SMURF1: variants seen among roughly 807,000 people sequenced by gnomAD.
SMURF1 encodes the protein E3 ubiquitin-protein ligase SMURF1.
SMURF1 carries 44 observed loss-of-function variants against 98.0 expected under a neutral mutation model. The observed-to-expected ratio is 0.45, with a 90% CI of 0.35 to 0.58. The LOEUF is 0.58. Among genes scored for constraint, SMURF1 ranks in the 20% least tolerant of loss-of-function variants. The pLI is 0.00. For missense variants in SMURF1, 687 were observed against 938.4 expected (o/e 0.73, Z 3.50); for synonymous variants, 396 against 374.9 (o/e 1.06, Z -0.65).
intron 11 of SMURF1, 60 bp from the exon 12 acceptor site, chr7:99,042,292 T>TC: frequency 8.3e-7 from 1 of 1,210,854 alleles, no homozygotes. Flanking sequence ...TTTTTTTTTT[T>TC]TCCCTGAGAT....
At chr7:99,052,158 G>T in intron 7 of SMURF1, 47 bp downstream of exon 7, 1 of 1,467,626 alleles carries the variant, frequency 6.8e-7, no homozygotes, top group Non-Finnish European at 9.0e-7. Context: ...GTCAACTCAT[G>T]GAAACAGGGC....
In SMURF1 at chr7:99,057,367, C is replaced by G. The variant is rs1448553203; in HGVS notation, c.337+51G>C. Reference sequence around the variant, plus strand: ...GCGATCAAAACAAAAAACGATGCCTCCTAAGCTTTCTTTGGTTGCATTAAG... The same window carrying G: ...GCGATCAAAACAAAAAACGATGCCTGCTAAGCTTTCTTTGGTTGCATTAAG... On this transcript the variant is annotated intron_variant, in intron 4 of 17. Transcript: ENST00000361368. 1.9e-6 allele frequency: 3 copies of G among 1,612,258 alleles called. No individual in the cohort carries two copies. In the East Asian group the frequency reaches 6.7e-5, roughly 36 times the overall value.
At chr7:99,095,756 A>G (rs1287384761) in intron 1 of SMURF1, among the ~76,000 whole-genome samples, 2 of 152,136 alleles carry the variant, frequency 1.3e-5, no homozygotes, top group Non-Finnish European at 2.9e-5. Context: ...CCTGGGGGAG[A>G]TGAGAATTGC....
chr7:99,055,351 C>A (rs548255860), intron 5 of SMURF1, among the ~76,000 whole-genome samples: 13 of 151,822 alleles, frequency 8.6e-5, no homozygotes, highest in Admixed American at 7.9e-4. Flanking sequence ...ACTTGTAGTC[C>A]CAGCTACTTG....
At chr7:99,121,688 T>A (rs1389353794) in intron 1 of SMURF1, among the ~76,000 whole-genome samples, 3 of 152,210 alleles carry the variant, frequency 2.0e-5, no homozygotes, top group Non-Finnish European at 4.4e-5. Flanking sequence ...AGCTTGTCCT[T>A]TCCCAAGAGG....
rs376242285 is a variant in SMURF1 at position 99,066,998 on chromosome 7, C to CT, written c.56-5162dup. On this transcript the variant is annotated intron_variant, in intron 1 of 17. Transcript: ENST00000361368. ...TCTCATTGTATTTGGATTTTTTTTT[C>CT]TTTTTTTTTTTTTTTGAGACAGAGT... 3.2e-3 allele frequency among the ~76,000 whole-genome samples: 389 copies of CT among 121,668 alleles called. 1 individual carries two copies. Among genetic ancestry groups the CT allele is most frequent in the Non-Finnish European group, 4.6e-3 (279 of 60,164 alleles). The allele number at this position is 121,668 out of a possible 152,430, so 79.8% of individuals were successfully genotyped here. A position where few individuals can be genotyped will look rare whatever the true frequency, so the allele number is the denominator to read the frequency against.
intron 17 of SMURF1, 27 bp from the exon 18 acceptor site, chr7:99,030,710 G>A (rs377620339): frequency 5.0e-5 from 80 of 1,599,882 alleles, no homozygotes; most frequent in Admixed American, 5.0e-5. Context: ...GAGAGTCACC[G>A]TGTGGGCAGT....
chr7:99,102,862 C>T (rs745678237), intron 1 of SMURF1, among the ~76,000 whole-genome samples: 4 of 151,942 alleles, frequency 2.6e-5, no homozygotes, highest in Non-Finnish European at 5.9e-5. Flanking sequence ...AGTCTCACTC[C>T]GTCACCCAGG....
intron 15 of SMURF1, 52 bp from the exon 16 acceptor site, chr7:99,035,768 AG>A: frequency 6.4e-7 from 1 of 1,560,984 alleles, no homozygotes; most frequent in Non-Finnish European, 8.8e-7. Flanking sequence ...AACCCACGTC[AG>A]GATGCGCCTC....
chr7:99,045,120 C>T (rs1795529480), intron 11 of SMURF1, among the ~76,000 whole-genome samples: 1 of 151,398 alleles, frequency 6.6e-6, no homozygotes, highest in South Asian at 2.1e-4. Context: ...GCCTGGGCAA[C>T]AGAGCAAGAC....
chr7:99,084,950 G>T (rs878974733), intron 1 of SMURF1, among the ~76,000 whole-genome samples: 2 of 152,148 alleles, frequency 1.3e-5, no homozygotes, highest in Admixed American at 1.3e-4. Flanking sequence ...AGAAGATCTG[G>T]TTGTTTCAAA....
chr7:99,049,431 T>C (rs1795685518), intron 9 of SMURF1, 132 bp downstream of exon 9: 6 of 937,680 alleles, frequency 6.4e-6, no homozygotes, highest in Non-Finnish European at 9.7e-6. Context: ...ATCCGCCAGA[T>C]ATTTAACATC....
At chr7:99,036,432 C>T (rs219800) in intron 15 of SMURF1, 42,995 of 151,704 alleles carry the variant, frequency 0.28, 10,297 homozygotes, top group African/African-American at 0.67. Context: ...GAGCCATGAT[C>T]GCACCACTGC....
chr7:99,143,681 G>A lies in SMURF1; in HGVS notation c.55+45C>T, dbSNP rs1431437396. ...GCGCCCTGCGGGGAATTCCGGGGCG[G>A]GCGAGGGGGCGCCGGGGCGCGGGTG... On this transcript the variant is annotated intron_variant, in intron 1 of 17. Coordinates refer to ENST00000361368, the MANE Select transcript of SMURF1 (RefSeq NM_181349.3). 3 of 1,507,902 alleles carry A rather than the reference G, an allele frequency of 2.0e-6. No homozygotes were observed. The African/African-American group carries it at 4.3e-5, about 22-fold the overall frequency. 93.4% of individuals were successfully genotyped at this position (1,507,902 alleles called of 1,614,324 possible).
chr7:99,132,458 T>C (rs116595932), intron 1 of SMURF1, among the ~76,000 whole-genome samples: 3,146 of 152,086 alleles, frequency 0.021, 100 homozygotes, highest in African/African-American at 0.07. Flanking sequence ...AAATAAAAAT[T>C]GATTGGACAT....
At chr7:99,050,830 G>C (rs776497248) in intron 8 of SMURF1, 1 of 959,624 alleles carries the variant, frequency 1.0e-6, no homozygotes, top group Non-Finnish European at 1.5e-6. Flanking sequence ...ATATTAGGTA[G>C]TAATGCTATT....
chr7:99,111,381 T>C (rs748523173), intron 1 of SMURF1, among the ~76,000 whole-genome samples: 1 of 152,232 alleles, frequency 6.6e-6, no homozygotes, highest in Non-Finnish European at 1.5e-5. Context: ...CTCTCAGACA[T>C]TGCTGGTAGG....
In SMURF1 at chr7:99,029,581, G is replaced by A. The variant is rs557242238; in HGVS notation, c.*1003C>T. 22 of 152,188 alleles carry A rather than the reference G, an allele frequency of 1.4e-4. No homozygotes were observed. The highest frequency in any genetic ancestry group is 2.9e-4 in the Non-Finnish European group (20 of 68,030). The allele number at this position is 152,188 out of a possible 1,614,324, so 9.4% of individuals were successfully genotyped here. Reference sequence around the variant, plus strand: ...TCTTTGGGTGGATTTACATCATCGAGGTTATCCTTTCACCATTGCTTTTAA... The same window carrying A: ...TCTTTGGGTGGATTTACATCATCGAAGTTATCCTTTCACCATTGCTTTTAA... On this transcript the variant is annotated 3_prime_UTR_variant, in exon 18 of 18. Coordinates refer to ENST00000361368, the MANE Select transcript of SMURF1 (RefSeq NM_181349.3).
chr7:99,136,770 C>T (rs926428509), intron 1 of SMURF1, among the ~76,000 whole-genome samples: 1 of 152,012 alleles, frequency 6.6e-6, no homozygotes, highest in Non-Finnish European at 1.5e-5. Context: ...GGCAACAGGG[C>T]GAAACCCCAT....
Sources: gnomAD v4.1 joint callset for allele counts (sites outside exome capture counted in the v4.1 genomes callset) on GRCh38, gnomAD v4.1.1 for gene constraint, MANE v1.5 for transcripts, NCBI Gene and HGNC (gene_info 2026-07-23, HGNC 2026-07-21) for gene names.